BLNK: variants seen among roughly 807,000 people sequenced by gnomAD.
BLNK encodes B-cell linker protein.
Under a neutral mutation model 73.5 loss-of-function variants are expected in BLNK, and 29 were observed. The observed-to-expected ratio is 0.39, with a 90% CI of 0.29 to 0.54. The LOEUF (loss-of-function observed/expected upper bound fraction) is 0.54, where lower values mean the gene tolerates loss of function less well. Among genes scored for constraint, BLNK ranks in the 20% least tolerant of loss-of-function variants. The probability of loss-of-function intolerance (pLI) is 0.61; values close to 1 mark genes in which losing one functional copy is unlikely to be tolerated. For synonymous variants in BLNK, 176 were observed against 200.8 expected (o/e 0.88, Z 1.04); for missense variants, 460 against 562.8 (o/e 0.82, Z 1.85).
chr10:96,191,242 T>C lies in BLNK; in HGVS notation c.*731A>G, dbSNP rs587626971. Reference sequence around the variant, plus strand: ...TGTGAGTCCATTAAACCTCTTTTTTTTTTTTTTTTTTTATGTAAATCACCC... The same window carrying C: ...TGTGAGTCCATTAAACCTCTTTTTTCTTTTTTTTTTTTATGTAAATCACCC... On this transcript the variant is annotated 3_prime_UTR_variant, in exon 17 of 17. Coordinates refer to ENST00000224337, the MANE Select transcript of BLNK (RefSeq NM_013314.4). Among the ~76,000 whole-genome samples the C allele has an allele frequency of 2.6e-5, 4 of 151,426 alleles. No individual in the cohort carries two copies. The highest frequency in any genetic ancestry group is 2.0e-4 in the Admixed American group (3 of 15,212).
chr10:96,210,082 G>A (rs1213791203), intron 8 of BLNK, 175 bp from the exon 9 acceptor site: 7 of 701,346 alleles, frequency 1.0e-5, no homozygotes, highest in Non-Finnish European at 1.8e-5. Flanking sequence ...GGGCAAAGGT[G>A]ATGACACATT....
At chr10:96,257,986 G>T (rs113012448) in intron 1 of BLNK, among the ~76,000 whole-genome samples, 10 of 152,194 alleles carry the variant, frequency 6.6e-5, no homozygotes, top group Non-Finnish European at 1.2e-4. Flanking sequence ...CCAACCCATC[G>T]TTTTGAAGCA....
intron 3 of BLNK, among the ~76,000 whole-genome samples, chr10:96,236,648 A>G (rs1842701229): frequency 6.6e-6 from 1 of 151,988 alleles, no homozygotes; most frequent in South Asian, 2.1e-4. Flanking sequence ...ATAGTGAGAC[A>G]TTGTCTCTAC....
chr10:96,195,632 G>A (rs1457947289), intron 16 of BLNK, among the ~76,000 whole-genome samples: 1 of 152,164 alleles, frequency 6.6e-6, no homozygotes, highest in Non-Finnish European at 1.5e-5. Flanking sequence ...ATAGAACGTG[G>A]TTGCTAGGGG....
chr10:96,246,962 A>G (rs1554907760), intron 2 of BLNK, 22 bp downstream of exon 2: 2 of 1,529,746 alleles, frequency 1.3e-6, no homozygotes, highest in Admixed American at 3.4e-5. Context: ...ATAATTAAGT[A>G]TTTAAATAGA....
chr10:96,269,755 C>A (rs1330112924), intron 1 of BLNK, among the ~76,000 whole-genome samples: 1 of 152,164 alleles, frequency 6.6e-6, no homozygotes, highest in Non-Finnish European at 1.5e-5. Context: ...CCTTATTTGT[C>A]CAATCATACC....
chr10:96,268,270 G>C (rs1217025910), intron 1 of BLNK, among the ~76,000 whole-genome samples: 1 of 152,142 alleles, frequency 6.6e-6, no homozygotes, highest in Non-Finnish European at 1.5e-5. Context: ...ATTTGAAAAG[G>C]GATATTTGCA....
chr10:96,196,776 A>G lies in BLNK; in HGVS notation c.1251+132T>C, dbSNP rs587684099. 3 of 877,462 alleles carry G rather than the reference A, an allele frequency of 3.4e-6. No individual in the cohort carries two copies. In the South Asian group the frequency reaches 4.8e-5, roughly 14 times the overall value. The allele number at this position is 877,462 out of a possible 1,614,324, so 54.4% of individuals were successfully genotyped here. ...AATATAGTATTTTATCTTGTTCTCT[A>G]TGACATTTATGCAAGCATTAGAACA... On this transcript the variant is annotated intron_variant, in intron 16 of 16. Coordinates refer to ENST00000224337, the MANE Select transcript of BLNK (RefSeq NM_013314.4).
intron 1 of BLNK, among the ~76,000 whole-genome samples, chr10:96,261,479 A>T (rs1349840939): frequency 6.6e-6 from 1 of 152,218 alleles, no homozygotes; most frequent in Non-Finnish European, 1.5e-5. Context: ...TTTTGTTTTC[A>T]TCATGCTAAG....
At chr10:96,215,743 A>G (rs2084049755) in intron 7 of BLNK, 1 of 211,922 alleles carries the variant, frequency 4.7e-6, no homozygotes, top group Non-Finnish European at 9.3e-6. Flanking sequence ...TCAAGAGTGT[A>G]TTGAACCCCT....
intron 1 of BLNK, among the ~76,000 whole-genome samples, chr10:96,256,915 G>A (rs1052178637): frequency 8.2e-5 from 12 of 146,750 alleles, no homozygotes; most frequent in Non-Finnish European, 1.8e-4. Context: ...AGAAGAAGAA[G>A]CAAATGGAAT....
intron 8 of BLNK, among the ~76,000 whole-genome samples, chr10:96,212,434 C>T (rs1040648817): frequency 3.9e-5 from 6 of 152,138 alleles, no homozygotes; most frequent in South Asian, 2.1e-4. Flanking sequence ...TCATGATACC[C>T]CTAGGCATAG....
chr10:96,229,206 T>C (rs1439122092), intron 4 of BLNK, among the ~76,000 whole-genome samples: 1 of 152,136 alleles, frequency 6.6e-6, no homozygotes, highest in African/African-American at 2.4e-5. Context: ...ACCCATTAAC[T>C]GTCCCTGTTT....
chr10:96,219,211 T>A (rs2084138143), intron 6 of BLNK, among the ~76,000 whole-genome samples: 1 of 152,236 alleles, frequency 6.6e-6, no homozygotes, highest in Admixed American at 6.5e-5. Flanking sequence ...AATGCCTCAC[T>A]GAATTGAATT....
In BLNK at chr10:96,216,725, C is replaced by T; in HGVS notation, c.535G>A (p.Val179Met). ...KGLLEDEADY[V>M]VPVEDNDENY... ...TCATCATTATCTTCCACGGGGACCA[C>T]ATAATCAGCCTAACAGAAATACAAA... The change falls in exon 7 of 17, where the codon GTG becomes ATG. Residue 179 changes from valine (V) to methionine (M), a missense_variant. By Grantham distance (21) the Val-to-Met change is conservative. This residue lies in a region of BLNK where 233 missense variants were observed against 232.1 expected (regional missense o/e 1.00). Transcript: ENST00000224337. 6.2e-7 allele frequency: 1 copy of T among 1,613,918 alleles called. No individual in the cohort carries two copies. Among genetic ancestry groups the T allele is most frequent in the Non-Finnish European group, 8.5e-7 (1 of 1,179,842 alleles).
At chr10:96,249,197 T>C (rs1239568764) in intron 1 of BLNK, among the ~76,000 whole-genome samples, 3 of 152,216 alleles carry the variant, frequency 2.0e-5, no homozygotes, top group African/African-American at 4.8e-5. Context: ...GAAAGCAGAT[T>C]TCTCTGACTC....
intron 1 of BLNK, among the ~76,000 whole-genome samples, chr10:96,247,842 A>C (rs1218067922): frequency 1.2e-4 from 19 of 152,318 alleles, no homozygotes; most frequent in African/African-American, 4.6e-4. Flanking sequence ...CCACTCCTTC[A>C]TTTACATAGG....
At chr10:96,203,973 G>T (rs2083726208) in intron 13 of BLNK, 84 bp downstream of exon 13, 2 of 1,145,212 alleles carry the variant, frequency 1.7e-6, no homozygotes, top group Non-Finnish European at 2.6e-6. Flanking sequence ...AAGCGACAGT[G>T]CTGTGTTAGA....
At chr10:96,210,292 C>T in intron 8 of BLNK, 1 of 321,552 alleles carries the variant, frequency 3.1e-6, no homozygotes, top group East Asian at 7.6e-5. Context: ...TCTGTGCACA[C>T]TGCACAAATG....
Sources: gnomAD v4.1 joint callset for allele counts (sites outside exome capture counted in the v4.1 genomes callset) on GRCh38, gnomAD v4.1.1 for gene constraint, gnomAD v4.1.1 regional missense constraint, MANE v1.5 for transcripts, NCBI Gene and HGNC (gene_info 2026-07-23, HGNC 2026-07-21) for gene names.